The following ABR variants were observed in gnomAD, a reference collection of about 807,000 sequenced individuals.
ABR encodes ABR activator of RhoGEF and GTPase.
Under a neutral mutation model 107.2 loss-of-function variants are expected in ABR, and 35 were observed. The observed-to-expected ratio is 0.33, with a 90% CI of 0.25 to 0.43. The LOEUF (loss-of-function observed/expected upper bound fraction) is 0.43, where lower values mean the gene tolerates loss of function less well. Ranked by LOEUF, ABR falls within the 20% of genes least tolerant of loss-of-function variation. The pLI is 1.00. For synonymous variants in ABR, 498 were observed against 462.0 expected (o/e 1.08, Z -1.00); for missense variants, 815 against 1,115.2 (o/e 0.73, Z 3.83).
At chr17:1,044,398 C>G (rs955312057) in intron 16 of ABR, among the ~76,000 whole-genome samples, 1 of 152,162 alleles carries the variant, frequency 6.6e-6, no homozygotes, top group Admixed American at 6.5e-5. Flanking sequence ...GCCTGTAATC[C>G]CAGCACTTTG....
Position 1,087,659 on chromosome 17 carries a change from C to G in ABR, c.531+4006G>C, listed in dbSNP as rs889236622. On this transcript the variant is annotated intron_variant, in intron 4 of 22. Transcript: ENST00000302538. The stretch of plus-strand genomic sequence containing the variant: ...TACTGAGGCCCGGCCCATCAATGCC[C>G]ACGCTACACGAGGCATACTAGACAG... Among the ~76,000 whole-genome samples the G allele has an allele frequency of 3.9e-5, 6 of 152,244 alleles. No homozygotes were observed. The East Asian group carries it at 7.7e-4, about 20-fold the overall frequency.
At chr17:1,019,589 C>T (rs1023782264) in intron 16 of ABR, among the ~76,000 whole-genome samples, 1 of 152,270 alleles carries the variant, frequency 6.6e-6, no homozygotes, top group Non-Finnish European at 1.5e-5. Context: ...AGGCTATCAG[C>T]CTCCAGAAAC....
intron 4 of ABR, among the ~76,000 whole-genome samples, chr17:1,089,353 TA>T: frequency 6.6e-6 from 1 of 152,328 alleles, no homozygotes; most frequent in South Asian, 2.1e-4. Flanking sequence ...TTTCAGATAT[TA>T]ACTCCTCAAA....
chr17:1,109,540 C>T (rs895868106), intron 2 of ABR, among the ~76,000 whole-genome samples: 1 of 150,692 alleles, frequency 6.6e-6, no homozygotes, highest in Admixed American at 6.6e-5. Context: ...AGGCCGCGGC[C>T]GGGCCGGGGT....
chr17:1,164,501 G>A (rs1472618569), intron 1 of ABR, among the ~76,000 whole-genome samples: 1 of 151,612 alleles, frequency 6.6e-6, no homozygotes, highest in Non-Finnish European at 1.5e-5. Flanking sequence ...TCCAGACTCA[G>A]GGACCCCAGA....
chr17:1,073,586 C>T, intron 7 of ABR, 39 bp downstream of exon 7: 2 of 1,501,754 alleles, frequency 1.3e-6, no homozygotes, highest in Non-Finnish European at 9.0e-7. Context: ...CCACTGAACT[C>T]CTAAGCCCTC....
chr17:1,057,687 CTGTG>C lies in ABR; in HGVS notation c.1381+279_1381+282del, dbSNP rs1051402007. On this transcript the variant is annotated intron_variant, in intron 12 of 22. Coordinates refer to ENST00000302538, the MANE Select transcript of ABR (RefSeq NM_021962.5). ...TGTGTGTGTGTGTGTGTGTGTGTCT[CTGTG>C]TGTGTGTGTGTGAGAGAGAGAGAGA... 4.4e-3 allele frequency among the ~76,000 whole-genome samples: 520 copies of C among 119,274 alleles called. 1 individual carries two copies. The highest frequency in any genetic ancestry group is 0.016 in the African/African-American group (496 of 30,954). 78.2% of individuals were successfully genotyped at this position (119,274 alleles called of 152,430 possible).
At chr17:1,072,395 G>A (rs1391751123) in intron 8 of ABR, among the ~76,000 whole-genome samples, 2 of 145,638 alleles carry the variant, frequency 1.4e-5, no homozygotes, top group African/African-American at 5.1e-5. Context: ...GGGACCTGCC[G>A]CCCGTGTGTG....
intron 1 of ABR, among the ~76,000 whole-genome samples, chr17:1,209,606 A>G (rs183526636): frequency 6.6e-6 from 1 of 152,078 alleles, no homozygotes; most frequent in Admixed American, 6.6e-5. Context: ...GATAGAGTTT[A>G]TGGTAGCCCA....
chr17:1,040,337 G>A (rs190720969), intron 16 of ABR, among the ~76,000 whole-genome samples: 2 of 152,198 alleles, frequency 1.3e-5, no homozygotes, highest in African/African-American at 2.4e-5. Context: ...AAGCTTCCTC[G>A]TGCTCTCCAG....
At chr17:1,187,572 C>T (rs1044823249), upstream of ABR, among the ~76,000 whole-genome samples, 2 of 152,196 alleles carry the variant, frequency 1.3e-5, no homozygotes, top group Non-Finnish European at 2.9e-5. Flanking sequence ...ATGATCATCC[C>T]GCCGGACAAA....
rs1021094056 is a variant in ABR at position 1,085,502 on chromosome 17, T to C, written c.532-1875A>G. ...TGTTAATAACTAATAAAGCTGAGAA[T>C]AGGCATGGCCTATTTTCAGTTGAAC... On this transcript the variant is annotated intron_variant, in intron 4 of 22. Transcript: ENST00000302538. Among the ~76,000 whole-genome samples the C allele has an allele frequency of 2.0e-5, 3 of 152,212 alleles. No homozygotes were observed. In the East Asian group the frequency reaches 5.8e-4, roughly 29 times the overall value.
intron 1 of ABR, among the ~76,000 whole-genome samples, chr17:1,206,953 C>T (rs778381564): frequency 6.6e-6 from 1 of 152,242 alleles, no homozygotes; most frequent in Non-Finnish European, 1.5e-5. Flanking sequence ...GGCGTGGTGG[C>T]ATGCGCCTGT....
At chr17:1,030,930 G>T (rs2150907328) in intron 16 of ABR, among the ~76,000 whole-genome samples, 1 of 152,336 alleles carries the variant, frequency 6.6e-6, no homozygotes, top group East Asian at 1.9e-4. Flanking sequence ...CTGATGCCAG[G>T]GCCCCAAGCC....
At chr17:1,091,973 AG>A in intron 3 of ABR, 123 bp from the exon 4 acceptor site, 1 of 1,058,560 alleles carries the variant, frequency 9.4e-7, no homozygotes, top group Non-Finnish European at 1.4e-6. Flanking sequence ...AGGCTGCCAA[AG>A]GCAGGGCACT....
rs973478351 is a variant in ABR at position 1,005,992 on chromosome 17, G to GT, written c.*87dup. ...CGAGTCTGGAGTGCTGGGTTTGGGA[G>GT]TTTTCTATTGCAGTCTTTCAAGTCT... On this transcript the variant is annotated 3_prime_UTR_variant, in exon 23 of 23. Transcript: ENST00000302538. 3 of 1,247,466 alleles carry GT rather than the reference G, an allele frequency of 2.4e-6. No individual in the cohort carries two copies. The African/African-American group carries it at 4.5e-5, about 19-fold the overall frequency. 77.3% of individuals were successfully genotyped at this position (1,247,466 alleles called of 1,614,324 possible). A position where few individuals can be genotyped will look rare whatever the true frequency, so the allele number is the denominator to read the frequency against.
intron 1 of ABR, among the ~76,000 whole-genome samples, chr17:1,137,942 C>T (rs564661186): frequency 7.2e-5 from 11 of 151,886 alleles, no homozygotes; most frequent in Admixed American, 2.0e-4. Flanking sequence ...ACTCTGTCAC[C>T]CAGGCTGGAG....
Position 1,011,040 on chromosome 17 carries a change from G to T in ABR, c.2102-177C>A. On this transcript the variant is annotated intron_variant, in intron 19 of 22. Transcript: ENST00000302538. The surrounding 1 kb of genome is among the most constrained non-coding windows in gnomAD (Gnocchi z 4.8). The stretch of plus-strand genomic sequence containing the variant: ...TGACTCGGCTCTGTGGGTCGGGGTT[G>T]GGGGAACAGGGAGAGATAGCCTGGG... 5.3e-6 allele frequency: 4 copies of T among 756,366 alleles called. No individual in the cohort carries two copies. The highest frequency in any genetic ancestry group is 4.2e-6 in the Non-Finnish European group (2 of 474,400). The allele number at this position is 756,366 out of a possible 1,614,324, so 46.9% of individuals were successfully genotyped here.
At chr17:1,007,104 G>A (rs1325900052) in intron 22 of ABR, 61 bp downstream of exon 22, 4 of 486,680 alleles carry the variant, frequency 8.2e-6, no homozygotes, top group South Asian at 2.3e-5. Flanking sequence ...GGGTACCTGC[G>A]CCATGACGTC....
Sources: allele counts gnomAD v4.1 joint callset (sites outside exome capture counted in the v4.1 genomes callset), GRCh38; gene constraint gnomAD v4.1.1; non-coding constraint Gnocchi (gnomAD v3.1); transcripts MANE v1.5; gene names NCBI Gene and HGNC (gene_info 2026-07-23, HGNC 2026-07-21).